The following SPTBN4 variants were observed in gnomAD, a reference collection of about 807,000 sequenced individuals.
SPTBN4 encodes the protein spectrin beta, non-erythrocytic 4.
SPTBN4 carries 96 observed loss-of-function variants against 277.8 expected under a neutral mutation model. The observed-to-expected ratio is 0.35, with a 90% CI of 0.29 to 0.41. The LOEUF (loss-of-function observed/expected upper bound fraction) is 0.41. Ranked by LOEUF, SPTBN4 falls within the 10% of genes least tolerant of loss-of-function variation. The probability of loss-of-function intolerance (pLI) is 1.00; values close to 1 mark genes in which losing one functional copy is unlikely to be tolerated. For missense variants in SPTBN4, 3,006 were observed against 3,595.7 expected (o/e 0.84, Z 4.19); for synonymous variants, 1,481 against 1,580.3 (o/e 0.94, Z 1.49).
At chr19:40,529,487 G>T (rs766856038) in intron 18 of SPTBN4, among the ~76,000 whole-genome samples, 1 of 152,184 alleles carries the variant, frequency 6.6e-6, no homozygotes, top group Non-Finnish European at 1.5e-5. Flanking sequence ...GATAAGGGCC[G>T]AGGGCCGTGG....
chr19:40,537,003 AT>A (rs2080745565), intron 20 of SPTBN4, among the ~76,000 whole-genome samples: 1 of 150,240 alleles, frequency 6.7e-6, no homozygotes, highest in Non-Finnish European at 1.5e-5. Context: ...CTTTATCTCT[AT>A]TTATTGAACT....
rs377276129 is a variant in SPTBN4, at chr19:40,519,048, T to C, written c.2904-353T>C. On this transcript the variant is annotated intron_variant, in intron 15 of 35. Coordinates refer to ENST00000598249, the MANE Select transcript of SPTBN4 (RefSeq NM_020971.3). This position sits in a 1 kb window ranked among gnomAD's most constrained non-coding sequence, Gnocchi z 5.7. ...TCTCTTTAAAGTCTGGTTTAAGAGA[T>C]GGCAGCTGGGCTTCTCTTAAATCAG... is the stretch of plus-strand genomic sequence containing the variant. Among the ~76,000 whole-genome samples the C allele has an allele frequency of 4.6e-5, 7 of 152,362 alleles. No individual in the cohort carries two copies. The South Asian group carries it at 1.2e-3, about 27-fold the overall frequency.
rs2081163556 is a variant in SPTBN4, at chr19:40,572,365, C to T, written c.7521C>T (p.Leu2507=). Residue 2507 remains leucine (L), a synonymous_variant, in exon 35 of 36, where the codon CTC becomes CTT. Coordinates refer to ENST00000598249, the MANE Select transcript of SPTBN4 (RefSeq NM_020971.3). ...LQTQDGSEFL[L]QAKDEEEMNG... ...CCCAGGATGGCAGTGAGTTTTTGCT[C>T]CAGGCAAAAGATGAGGTGAGATCTG... The T allele has an allele frequency of 1.9e-6, 3 of 1,614,066 alleles. No homozygotes were observed. Among genetic ancestry groups the T allele is most frequent in the Non-Finnish European group, 2.5e-6 (3 of 1,180,028 alleles).
Position 40,503,921 on chromosome 19 carries a change from T to C in SPTBN4, c.1454T>C (p.Val485Ala). The change falls in exon 12 of 36, where the codon GTG (valine) becomes GCG (alanine). Residue 485 changes from valine (V) to alanine (A), a missense_variant. Physicochemically the swap from Val to Ala is moderately conservative, Grantham distance 64. Coordinates refer to ENST00000598249, the MANE Select transcript of SPTBN4 (RefSeq NM_020971.3). ...EADIAAYEER[V>A]QGVAELAQAL... ...GACATTGCGGCCTACGAGGAGCGGGTGCAGGGTGTGGCGGAGCTGGCCCAG... is the reference window on the plus strand; with the variant it reads ...GACATTGCGGCCTACGAGGAGCGGGCGCAGGGTGTGGCGGAGCTGGCCCAG... 1 of 1,613,712 alleles carries C rather than the reference T, an allele frequency of 6.2e-7. No homozygotes were observed. The highest frequency in any genetic ancestry group is 1.1e-5 in the South Asian group (1 of 91,046).
Position 40,519,544 on chromosome 19 carries a change from C to T in SPTBN4, c.3047C>T (p.Ala1016Val). ...AGAGCTGTGGAGAGCGCGCCCCGGG[C>T]CGGCGGCGCCCTGCAGTGGCGTCTT... ...KRRAVESAPR[A>V]GGALQWRLSG... The change falls in exon 16 of 36, where the codon GCC (alanine) becomes GTC (valine). Residue 1016 changes from alanine (A) to valine (V), a missense_variant. Transcript: ENST00000598249. The surrounding 1 kb of genome is among the most constrained non-coding windows in gnomAD (Gnocchi z 5.7). The T allele has an allele frequency of 3.2e-6, 5 of 1,576,010 alleles. No homozygotes were observed. The highest frequency in any genetic ancestry group is 4.3e-6 in the Non-Finnish European group (5 of 1,164,998).
chr19:40,545,518 C>T (rs1295029156), intron 20 of SPTBN4, among the ~76,000 whole-genome samples: 1 of 152,192 alleles, frequency 6.6e-6, no homozygotes, highest in Non-Finnish European at 1.5e-5. Context: ...CAATTTATGC[C>T]ACCACTGACA....
At chr19:40,498,567 G>A (rs1006763794) in intron 7 of SPTBN4, among the ~76,000 whole-genome samples, 2 of 150,974 alleles carry the variant, frequency 1.3e-5, no homozygotes, top group South Asian at 2.1e-4. Flanking sequence ...CACCACGCCC[G>A]GCTAATTTTT....
chr19:40,503,521 G>C (rs1420964934), intron 11 of SPTBN4, among the ~76,000 whole-genome samples: 1 of 151,694 alleles, frequency 6.6e-6, no homozygotes, highest in East Asian at 1.9e-4. Context: ...GGACAACAGG[G>C]GAGGGTGGAG....
At chr19:40,471,905 A>AT (rs34333509) in intron 1 of SPTBN4, among the ~76,000 whole-genome samples, 21,776 of 108,402 alleles carry the variant, frequency 0.2, 2,749 homozygotes, top group Non-Finnish European at 0.27. Context: ...ACATCCAGCT[A>AT]TTTTTTTTTT....
chr19:40,522,748 C>G, intron 16 of SPTBN4, among the ~76,000 whole-genome samples: 1 of 152,166 alleles, frequency 6.6e-6, no homozygotes, highest in South Asian at 2.1e-4. Flanking sequence ...ATCCTGCCCT[C>G]ATGTGGTTGA....
chr19:40,564,997 C>T (rs1430112761), intron 27 of SPTBN4, among the ~76,000 whole-genome samples: 2 of 151,968 alleles, frequency 1.3e-5, no homozygotes, highest in African/African-American at 4.8e-5. Context: ...GGTTTGGTGA[C>T]TCAACGCCTG....
chr19:40,567,195 G>T (rs1218715893), intron 30 of SPTBN4: 1 of 452,714 alleles, frequency 2.2e-6, no homozygotes, highest in South Asian at 1.6e-5. Flanking sequence ...TCAGAGGGGT[G>T]ACTGAGACTC....
chr19:40,484,763 T>TA (rs918472952), intron 2 of SPTBN4, among the ~76,000 whole-genome samples: 15 of 149,248 alleles, frequency 1.0e-4, no homozygotes, highest in South Asian at 4.4e-4. Flanking sequence ...CCATCTCTAC[T>TA]AAAAAAAAAT....
chr19:40,488,458 G>T (rs2080097937), intron 3 of SPTBN4, among the ~76,000 whole-genome samples: 1 of 152,080 alleles, frequency 6.6e-6, no homozygotes, highest in South Asian at 2.1e-4. Context: ...AAGGACTGGA[G>T]CCTGGATCTC....
At position 40,563,346 on chromosome 19, in the gene SPTBN4, G is replaced by A. The variant is rs985045547; in HGVS notation, c.5916-2077G>A. Reference sequence around the variant, plus strand: ...CAAACCATAGCATGAAGCTATGATTGCCAACTGATGGAACCTTCAGAAACT... The same window carrying A: ...CAAACCATAGCATGAAGCTATGATTACCAACTGATGGAACCTTCAGAAACT... On this transcript the variant is annotated intron_variant, in intron 27 of 35. Transcript: ENST00000598249. 2.0e-5 allele frequency among the ~76,000 whole-genome samples: 3 copies of A among 152,086 alleles called. No individual in the cohort carries two copies. The East Asian group carries it at 5.8e-4, about 29-fold the overall frequency.
chr19:40,467,720 A>G (rs2079842732), intron 1 of SPTBN4, among the ~76,000 whole-genome samples: 1 of 151,320 alleles, frequency 6.6e-6, no homozygotes, highest in South Asian at 2.1e-4. Context: ...CGTTATGGCC[A>G]GAGCTGATCC....
At chr19:40,533,218 G>T (rs1290232181) in intron 19 of SPTBN4, among the ~76,000 whole-genome samples, 1 of 152,068 alleles carries the variant, frequency 6.6e-6, no homozygotes, top group African/African-American at 2.4e-5. Context: ...AGGTAATTGT[G>T]TTAACCTCTT....
At chr19:40,496,038 C>T (rs542544419) in intron 6 of SPTBN4, among the ~76,000 whole-genome samples, 4 of 152,340 alleles carry the variant, frequency 2.6e-5, no homozygotes, top group Admixed American at 6.5e-5. Context: ...AGGTGACATT[C>T]GCTCAGTGTT....
At chr19:40,508,065 A>G (rs532936775) in intron 13 of SPTBN4, among the ~76,000 whole-genome samples, 35 of 152,272 alleles carry the variant, frequency 2.3e-4, no homozygotes, top group African/African-American at 7.7e-4. Flanking sequence ...GGGTTCCATC[A>G]TTGCTCAGCC....
Sources: gnomAD v4.1 joint callset for allele counts (sites outside exome capture counted in the v4.1 genomes callset) on GRCh38, gnomAD v4.1.1 for gene constraint, Gnocchi (gnomAD v3.1) non-coding constraint, MANE v1.5 for transcripts, NCBI Gene and HGNC (gene_info 2026-07-23, HGNC 2026-07-21) for gene names.